NFIC: variants seen among roughly 807,000 people sequenced by gnomAD.
NFIC encodes the protein nuclear factor I C.
A neutral mutation model predicts 54.4 loss-of-function variants in NFIC; 12 were observed. The observed-to-expected ratio is 0.22, with a 90% CI of 0.14 to 0.36. The LOEUF is 0.36. Ranked by LOEUF, NFIC falls within the 10% of genes least tolerant of loss-of-function variation. NFIC has a pLI of 1.00. For missense variants in NFIC, 575 were observed against 718.2 expected, an observed-to-expected ratio of 0.80 and a Z score of 2.28; for synonymous variants, 322 against 319.2, an observed-to-expected ratio of 1.01 and a Z score of -0.09.
At chr19:3,454,042 C>T (rs768307454) in intron 9 of NFIC, 126 bp downstream of exon 9, 2 of 1,382,212 alleles carry the variant, frequency 1.4e-6, no homozygotes, top group Non-Finnish European at 1.9e-6. Flanking sequence ...TTTGGTGGGT[C>T]TCCGGAAAAC....
Position 3,370,519 on chromosome 19 carries a change from C to G in NFIC, c.30+3853C>G, listed in dbSNP as rs982425465. Among the ~76,000 whole-genome samples the G allele has an allele frequency of 2.0e-5, 3 of 151,304 alleles. No individual in the cohort carries two copies. The highest frequency in any genetic ancestry group is 6.6e-5 in the Admixed American group (1 of 15,190). The stretch of plus-strand genomic sequence containing the variant: ...TCTCTCTCTGTCTCCCTCCCTTTCT[C>G]CCCCCATCTCGCTCTCTCCTCCTCT... On this transcript the variant is annotated intron_variant, in intron 1 of 10. Coordinates refer to ENST00000443272, the MANE Select transcript of NFIC (RefSeq NM_001245002.2). The surrounding 1 kb of genome is among the most constrained non-coding windows in gnomAD (Gnocchi z 5.2).
intron 1 of NFIC, among the ~76,000 whole-genome samples, chr19:3,372,121 C>T (rs549796178): frequency 6.2e-4 from 93 of 151,104 alleles, no homozygotes; most frequent in African/African-American, 9.7e-5. Context: ...CCTGGGTTCA[C>T]GCGATTCTCC....
At chr19:3,392,976 T>C (rs998532001) in intron 2 of NFIC, among the ~76,000 whole-genome samples, 2 of 152,212 alleles carry the variant, frequency 1.3e-5, no homozygotes, top group African/African-American at 4.8e-5. Flanking sequence ...AGTTTTGCCC[T>C]GTCGCCCAGG....
At chr19:3,448,350 G>A (rs376712961) in intron 6 of NFIC, among the ~76,000 whole-genome samples, 2 of 152,196 alleles carry the variant, frequency 1.3e-5, no homozygotes, top group Admixed American at 6.5e-5. Flanking sequence ...TGGGATTACA[G>A]GCATGAGCCA....
chr19:3,448,754 C>T (rs374539172), intron 6 of NFIC, among the ~76,000 whole-genome samples: 64 of 152,268 alleles, frequency 4.2e-4, no homozygotes, highest in African/African-American at 1.5e-3. Flanking sequence ...AGGCAAGGGC[C>T]AGGAGCGAGG....
intron 2 of NFIC, among the ~76,000 whole-genome samples, chr19:3,399,667 T>C (rs937172939): frequency 6.6e-6 from 1 of 151,806 alleles, no homozygotes; most frequent in Non-Finnish European, 1.5e-5. Context: ...AGATCAAGAG[T>C]TCCAGACCAG....
chr19:3,401,761 A>C (rs2081560264), intron 2 of NFIC, among the ~76,000 whole-genome samples: 3 of 150,912 alleles, frequency 2.0e-5, no homozygotes, highest in Admixed American at 1.3e-4. Context: ...TCGCTCTGTC[A>C]CCCAGGCTGG....
chr19:3,374,988 G>A (rs1160003395), intron 1 of NFIC, among the ~76,000 whole-genome samples: 2 of 151,814 alleles, frequency 1.3e-5, no homozygotes, highest in African/African-American at 2.4e-5. Flanking sequence ...CCTGGCACCT[G>A]TCCCCGGAAA....
chr19:3,436,880 T>A (rs936530780), intron 6 of NFIC, among the ~76,000 whole-genome samples: 1 of 152,190 alleles, frequency 6.6e-6, no homozygotes, highest in African/African-American at 2.4e-5. Flanking sequence ...TCTAGCTCTG[T>A]GTGCTGTGTA....
chr19:3,431,181 G>A (rs1479792825), intron 3 of NFIC, among the ~76,000 whole-genome samples: 2 of 151,244 alleles, frequency 1.3e-5, no homozygotes, highest in Admixed American at 1.3e-4. Context: ...CCGCCACCAT[G>A]CCCGGCTAAT....
chr19:3,380,210 T>C (rs1050568739), intron 1 of NFIC, among the ~76,000 whole-genome samples: 25 of 150,628 alleles, frequency 1.7e-4, no homozygotes, highest in African/African-American at 5.6e-4. Flanking sequence ...TTCACTGTGT[T>C]AGCCAGGATG....
intron 3 of NFIC, among the ~76,000 whole-genome samples, chr19:3,432,894 A>G (rs1415760302): frequency 6.6e-6 from 1 of 151,826 alleles, no homozygotes; most frequent in Non-Finnish European, 1.5e-5. Context: ...GATGGTCTCC[A>G]TCTCCTGACC....
intron 6 of NFIC, among the ~76,000 whole-genome samples, chr19:3,442,299 C>T (rs927579933): frequency 2.6e-5 from 4 of 152,158 alleles, no homozygotes; most frequent in Admixed American, 1.3e-4. Context: ...ACAAAGGTCC[C>T]GTCCACAGGC....
chr19:3,463,457 G>C lies in NFIC; in HGVS notation c.*688G>C. The C allele has an allele frequency of 1.0e-6, 1 of 985,436 alleles. No individual in the cohort carries two copies. The highest frequency in any genetic ancestry group is 4.7e-5 in the South Asian group (1 of 21,288). 61.0% of individuals were successfully genotyped at this position (985,436 alleles called of 1,614,324 possible). ...TTGCGAGCCCTGGCCAGGGGAGGAA[G>C]TGAGGCCCAGGCACCTGCTGCCCCT... is the stretch of plus-strand genomic sequence containing the variant. On this transcript the variant is annotated 3_prime_UTR_variant, in exon 11 of 11. Transcript: ENST00000443272.
At chr19:3,423,466 C>T (rs1049087390) in intron 2 of NFIC, among the ~76,000 whole-genome samples, 71 of 151,186 alleles carry the variant, frequency 4.7e-4, no homozygotes, top group African/African-American at 1.6e-3. Flanking sequence ...TCTCTTCCTG[C>T]GGCTTTCGAC....
At chr19:3,426,105 T>A (rs992851173) in intron 3 of NFIC, among the ~76,000 whole-genome samples, 1 of 151,600 alleles carries the variant, frequency 6.6e-6, no homozygotes, top group African/African-American at 2.4e-5. Flanking sequence ...TGGCTAATTT[T>A]TGTATTTTTA....
At chr19:3,429,788 G>A (rs1836219883) in intron 3 of NFIC, among the ~76,000 whole-genome samples, 1 of 152,116 alleles carries the variant, frequency 6.6e-6, no homozygotes, top group Admixed American at 6.6e-5. Context: ...CAACCCTGCT[G>A]GCCTGCAACT....
chr19:3,366,535 G>A (rs1300661964), upstream of NFIC: 8 of 100,068 alleles, frequency 8.0e-5, no homozygotes, highest in East Asian at 1.1e-3. Flanking sequence ...GCCGCGGGGC[G>A]GGGGGGGGGG....
At chr19:3,415,414 C>CCT (rs1568433351) in intron 2 of NFIC, among the ~76,000 whole-genome samples, 5 of 151,756 alleles carry the variant, frequency 3.3e-5, no homozygotes. Context: ...AGCTCTACTG[C>CCT]GCCCGGCCAA....
Sources: gnomAD v4.1 joint callset for allele counts (sites outside exome capture counted in the v4.1 genomes callset) on GRCh38, gnomAD v4.1.1 for gene constraint, Gnocchi (gnomAD v3.1) non-coding constraint, MANE v1.5 for transcripts, NCBI Gene and HGNC (gene_info 2026-07-23, HGNC 2026-07-21) for gene names.